SH3PXD2A: variants seen among roughly 807,000 people sequenced by gnomAD.
The protein encoded by SH3PXD2A is SH3 and PX domain-containing protein 2A.
A neutral mutation model predicts 115.2 loss-of-function variants in SH3PXD2A; 32 were observed. The ratio of observed to expected loss-of-function variants is 0.28; its 90% confidence interval spans 0.21 to 0.37. SH3PXD2A has a LOEUF of 0.37. SH3PXD2A is among the 10% of genes least tolerant of loss of function. SH3PXD2A has a pLI of 1.00. For missense variants in SH3PXD2A, 1,328 were observed against 1,498.7 expected (o/e 0.89, Z 1.88); for synonymous variants, 610 against 629.1 (o/e 0.97, Z 0.45).
At chr10:103,690,966 G>A (rs755567585) in intron 6 of SH3PXD2A, among the ~76,000 whole-genome samples, 49 of 152,232 alleles carry the variant, frequency 3.2e-4, no homozygotes, top group Non-Finnish European at 3.2e-4. Context: ...TTCCTGGCGT[G>A]AGAGTGGAAG....
At chr10:103,685,981 G>C (rs2037672553) in intron 6 of SH3PXD2A, among the ~76,000 whole-genome samples, 1 of 152,080 alleles carries the variant, frequency 6.6e-6, no homozygotes, top group Non-Finnish European at 1.5e-5. Flanking sequence ...GCAGAGCTGG[G>C]GTTCAAACCC....
chr10:103,723,202 C>G (rs1317558610), intron 5 of SH3PXD2A, among the ~76,000 whole-genome samples: 1 of 152,180 alleles, frequency 6.6e-6, no homozygotes, highest in African/African-American at 2.4e-5. Context: ...CCTACTCTCT[C>G]CTTTCCCTCT....
At chr10:103,849,638 C>T (rs968498571) in intron 1 of SH3PXD2A, among the ~76,000 whole-genome samples, 13 of 152,344 alleles carry the variant, frequency 8.5e-5, no homozygotes, top group African/African-American at 3.1e-4. Flanking sequence ...GCACTACAGG[C>T]AGCAGAAGCC....
intron 9 of SH3PXD2A, among the ~76,000 whole-genome samples, chr10:103,624,994 C>T (rs1200667929): frequency 2.0e-5 from 3 of 152,140 alleles, no homozygotes; most frequent in East Asian, 1.9e-4. Context: ...TTAGGAGAAT[C>T]GCCCTGGGCA....
chr10:103,671,008 C>T (rs540985794), intron 6 of SH3PXD2A, among the ~76,000 whole-genome samples: 77 of 152,362 alleles, frequency 5.1e-4, no homozygotes, highest in Non-Finnish European at 9.8e-4. Context: ...CCCATCCCAG[C>T]GCCATCTGGC....
chr10:103,594,362 T>C lies in SH3PXD2A; in HGVS notation c.*7454A>G, dbSNP rs778108154. On this transcript the variant is annotated 3_prime_UTR_variant, in exon 15 of 15. Transcript: ENST00000369774. ...CTCAAATCGACTGCACTGAGTTTAA[T>C]GTCCTTTCTCCAGTTTCTCTGCTGA... The C allele has an allele frequency of 2.0e-5, 3 of 152,682 alleles. No individual in the cohort carries two copies. Among genetic ancestry groups the C allele is most frequent in the Non-Finnish European group, 2.9e-5 (2 of 68,040 alleles). 9.5% of individuals were successfully genotyped at this position (152,682 alleles called of 1,614,324 possible). A position where few individuals can be genotyped will look rare whatever the true frequency, so the allele number is the denominator to read the frequency against.
In SH3PXD2A at chr10:103,855,300, C is replaced by G; in HGVS notation, c.-34G>C. Reference sequence around the variant, plus strand: ...ACAAAGCGAGTGGCGCCCCCGGCGGCGTCACCTTCTCATCCCGGCCGGGCT... The same window carrying G: ...ACAAAGCGAGTGGCGCCCCCGGCGGGGTCACCTTCTCATCCCGGCCGGGCT... On this transcript the variant is annotated 5_prime_UTR_variant, in exon 1 of 15. Transcript: ENST00000369774. 2.7e-6 allele frequency: 4 copies of G among 1,491,812 alleles called. No individual in the cohort carries two copies. The highest frequency in any genetic ancestry group is 2.7e-5 in the East Asian group (1 of 36,388). The allele number at this position is 1,491,812 out of a possible 1,614,324, so 92.4% of individuals were successfully genotyped here. A position where few individuals can be genotyped will look rare whatever the true frequency, so the allele number is the denominator to read the frequency against.
chr10:103,840,098 A>G (rs2039582681), intron 1 of SH3PXD2A, among the ~76,000 whole-genome samples: 2 of 152,256 alleles, frequency 1.3e-5, no homozygotes, highest in Admixed American at 1.3e-4. Flanking sequence ...CGCCAACAAC[A>G]GCTGCTGTTT....
intron 2 of SH3PXD2A, among the ~76,000 whole-genome samples, chr10:103,796,401 AGAG>A (rs1564891113): frequency 1.2e-4 from 17 of 139,758 alleles, no homozygotes; most frequent in Non-Finnish European, 2.6e-4. Context: ...AAAAAAAAAG[AGAG>A]AGAGAGAGAC....
chr10:103,648,112 C>T (rs924970897), intron 8 of SH3PXD2A, among the ~76,000 whole-genome samples: 3 of 152,132 alleles, frequency 2.0e-5, no homozygotes, highest in East Asian at 1.9e-4. Flanking sequence ...AGGACACGGG[C>T]TGGTGGGCAC....
chr10:103,802,891 G>C (rs1304788498), intron 1 of SH3PXD2A, among the ~76,000 whole-genome samples: 2 of 152,154 alleles, frequency 1.3e-5, no homozygotes, highest in African/African-American at 4.8e-5. Context: ...GGGTGGGGCT[G>C]GGGGGACTCT....
rs1172645567 is a variant in SH3PXD2A at position 103,601,940 on chromosome 10, T to C, written c.3278A>G (p.Gln1093Arg). 5.0e-6 allele frequency: 8 copies of C among 1,613,874 alleles called. No individual in the cohort carries two copies. Among genetic ancestry groups the C allele is most frequent in the South Asian group, 1.1e-5 (1 of 91,076 alleles). ...CAGAACCTCCATGGACACCCCCTCC[T>C]GGAAGCCTGCTGTCTCCTCATCCCC... ...YEGDEETAGF[Q>R]EGVSMEVLER... Residue 1093 changes from glutamine to arginine, a missense_variant, in exon 15 of 15, where the codon CAG (glutamine) becomes CGG (arginine). Gln to Arg is a conservative substitution (Grantham distance 43). Around this residue, in one of 5 missense-constraint regions of SH3PXD2A, gnomAD observed 45 missense variants for 73.6 expected, o/e 0.61. Transcript: ENST00000369774.
intron 3 of SH3PXD2A, among the ~76,000 whole-genome samples, chr10:103,753,136 C>CTT (rs2038598016): frequency 6.6e-6 from 1 of 151,798 alleles, no homozygotes; most frequent in African/African-American, 2.4e-5. Flanking sequence ...CTGTTAATCT[C>CTT]CAGACAGTAC....
intron 3 of SH3PXD2A, among the ~76,000 whole-genome samples, chr10:103,758,177 A>G (rs989918979): frequency 1.3e-5 from 2 of 152,232 alleles, no homozygotes; most frequent in Non-Finnish European, 2.9e-5. Context: ...TGGCTCCACA[A>G]GTCCTGTCTG....
chr10:103,747,941 C>T (rs1324099952), intron 3 of SH3PXD2A, among the ~76,000 whole-genome samples: 1 of 152,120 alleles, frequency 6.6e-6, no homozygotes, highest in Non-Finnish European at 1.5e-5. Context: ...TGAACCACCG[C>T]GCCTGTCCCA....
At chr10:103,790,241 GCCTCCCGGGTTCAAGCCATTCT>G (rs769755779) in intron 2 of SH3PXD2A, among the ~76,000 whole-genome samples, 6 of 151,150 alleles carry the variant, frequency 4.0e-5, no homozygotes, top group East Asian at 3.9e-4. Context: ...TGCAAGCTCC[GCCTCCCGGGTTCAAGCCATTCT>G]CCTGCCTCAG....
intron 4 of SH3PXD2A, among the ~76,000 whole-genome samples, chr10:103,733,553 A>G (rs1032351566): frequency 3.9e-5 from 6 of 152,238 alleles, no homozygotes; most frequent in African/African-American, 1.2e-4. Flanking sequence ...AGAAAAATGA[A>G]TATTGGTCTG....
In SH3PXD2A at chr10:103,849,804, C is replaced by T. The variant is rs150701206; in HGVS notation, c.72+5391G>A. Among the ~76,000 whole-genome samples the T allele has an allele frequency of 3.1e-3, 470 of 152,324 alleles. 1 individual carries two copies. The highest frequency in any genetic ancestry group is 7.7e-3 in the African/African-American group (319 of 41,570). ...ATTTCCAAAGCCAGAATCTCCACCT[C>T]ATTTCCCACACACACCCCTTGTCCT... On this transcript the variant is annotated intron_variant, in intron 1 of 14. Coordinates refer to ENST00000369774, the MANE Select transcript of SH3PXD2A (RefSeq NM_001394015.1).
At chr10:103,700,156 C>T (rs748435569) in intron 5 of SH3PXD2A, among the ~76,000 whole-genome samples, 11 of 152,218 alleles carry the variant, frequency 7.2e-5, no homozygotes, top group African/African-American at 2.4e-5. Flanking sequence ...ACAAGTTTTA[C>T]CATGTCCAGG....
Sources: gnomAD v4.1 joint callset for allele counts (sites outside exome capture counted in the v4.1 genomes callset) on GRCh38, gnomAD v4.1.1 for gene constraint, gnomAD v4.1.1 regional missense constraint, MANE v1.5 for transcripts, NCBI Gene and HGNC (gene_info 2026-07-23, HGNC 2026-07-21) for gene names.